The following UPF3B variants were observed in gnomAD, a reference collection of about 807,000 sequenced individuals.
UPF3B encodes UPF3B regulator of nonsense mediated mRNA decay.
A neutral mutation model predicts 40.3 loss-of-function variants in UPF3B; 7 were observed. The ratio of observed to expected loss-of-function variants is 0.17; its 90% CI spans 0.10 to 0.33. The LOEUF is 0.33. Among genes scored for constraint, UPF3B ranks in the 10% least tolerant of loss-of-function variants. The pLI, the probability that UPF3B is intolerant of heterozygous loss-of-function variation, is 1.00. For missense variants in UPF3B, 229 were observed against 358.9 expected (o/e 0.64, Z 2.93); for synonymous variants, 117 against 117.3 (o/e 1.00, Z 0.01).
chrX:119,837,113 T>G (rs1021357494), intron 10 of UPF3B, among the ~76,000 whole-genome samples: 1 of 107,596 alleles, frequency 9.3e-6, no homozygotes, highest in Non-Finnish European at 1.9e-5. Flanking sequence ...CCAGCCGATT[T>G]TTTGTATTTT....
At chrX:119,814,102 T>G (rs921088717) in intron 5 of UPF3B, among the ~76,000 whole-genome samples, 2 of 111,832 alleles carry the variant, frequency 1.8e-5, no homozygotes, top group Non-Finnish European at 3.8e-5. Context: ...CTCACTACAC[T>G]TAACTTCATA....
At chrX:119,850,062 G>T (rs1046729962) in intron 3 of UPF3B, among the ~76,000 whole-genome samples, 1 of 101,345 alleles carries the variant, frequency 9.9e-6, no homozygotes, top group Admixed American at 1.0e-4. Context: ...GGCTGAGGTG[G>T]GGGGGGGGAA....
intron 5 of UPF3B, among the ~76,000 whole-genome samples, chrX:119,808,450 G>A (rs1178826784): frequency 1.0e-5 from 1 of 96,872 alleles, no homozygotes; most frequent in Non-Finnish European, 2.1e-5. Flanking sequence ...GTGCTACCTC[G>A]ACCCTTCTGA....
rs1360388211 is a variant in UPF3B at position 119,852,758 on chromosome X, C to G, written c.156+15G>C. 8.3e-7 allele frequency: 1 copy of G among 1,211,155 alleles called. No homozygotes were observed. The highest frequency in any genetic ancestry group is 1.1e-6 in the Non-Finnish European group (1 of 895,446). ...CTCGTCCCGCCCTCTCCCGGGCCAG[C>G]GGCCGACCGGGCACCTTGCTCAGCG... On this transcript the variant is annotated intron_variant, in intron 1 of 10. Coordinates refer to ENST00000276201, the MANE Select transcript of UPF3B (RefSeq NM_080632.3).
chrX:119,807,027 TAAAAAAAA>T (rs1191950024), intron 6 of UPF3B, among the ~76,000 whole-genome samples: 6 of 21,418 alleles, frequency 2.8e-4, no homozygotes, highest in African/African-American at 9.7e-4. Context: ...AGACCCTGTC[TAAAAAAAA>T]AAAAAAAAAA....
chrX:119,819,938 G>C (rs2055898239), intron 4 of UPF3B, among the ~76,000 whole-genome samples: 1 of 104,065 alleles, frequency 9.6e-6, no homozygotes, highest in South Asian at 4.3e-4. Flanking sequence ...TCCGCCTCTT[G>C]GGTTCAAACG....
intron 5 of UPF3B, among the ~76,000 whole-genome samples, chrX:119,808,233 C>G (rs1468947434): frequency 9.0e-6 from 1 of 111,469 alleles, no homozygotes; most frequent in Non-Finnish European, 1.9e-5. Context: ...TCCTCACCCC[C>G]ACTGCCTACA....
chrX:119,812,145 T>C (rs1293357117), intron 5 of UPF3B, among the ~76,000 whole-genome samples: 2 of 110,464 alleles, frequency 1.8e-5, no homozygotes, highest in African/African-American at 6.6e-5. Flanking sequence ...TCCAGCTACT[T>C]GGGAGGCAGA....
In UPF3B at chrX:119,838,345, CAA is replaced by C. The variant is rs770689839; in HGVS notation, c.1007+20_1007+21del. The stretch of plus-strand genomic sequence containing the variant: ...ACTAGCATGTATAAATCAAACATAA[CAA>C]AGAGTCCTTGACTACTGACCTCTTT... On this transcript the variant is annotated intron_variant, in intron 9 of 10. Coordinates refer to ENST00000276201, the MANE Select transcript of UPF3B (RefSeq NM_080632.3). The C allele has an allele frequency of 9.9e-6, 12 of 1,209,171 alleles. No homozygotes were observed. In the South Asian group the frequency reaches 1.8e-4, roughly 18 times the overall value.
chrX:119,827,161 C>T (rs1469014326), intron 3 of UPF3B, among the ~76,000 whole-genome samples: 2 of 110,996 alleles, frequency 1.8e-5, no homozygotes, highest in African/African-American at 6.5e-5. Flanking sequence ...ATTTAGTACC[C>T]TCTGACTTCT....
chrX:119,831,178 G>A (rs191811214), downstream of UPF3B, among the ~76,000 whole-genome samples: 34 of 111,637 alleles, frequency 3.0e-4, no homozygotes, highest in East Asian at 2.8e-3. Context: ...CTCCTCTGCC[G>A]TGTACCCCAC....
intron 3 of UPF3B, 122 bp downstream of exon 3, chrX:119,851,369 CTATT>C: frequency 2.0e-6 from 1 of 512,617 alleles, no homozygotes; most frequent in East Asian, 3.7e-5. Flanking sequence ...AAAGTCACGT[CTATT>C]TATAAGACTG....
chrX:119,824,702 ACTTT>A (rs899525000), intron 3 of UPF3B, among the ~76,000 whole-genome samples: 2 of 107,657 alleles, frequency 1.9e-5, no homozygotes, highest in African/African-American at 3.4e-5. Flanking sequence ...TTCTAAACAT[ACTTT>A]CTTATATTTA....
At chrX:119,829,682 C>T (rs2056016996), downstream of UPF3B, among the ~76,000 whole-genome samples, 1 of 111,579 alleles carries the variant, frequency 9.0e-6, no homozygotes, top group Admixed American at 9.6e-5. Flanking sequence ...ATTTCCTTAC[C>T]TCTATGTAAT....
At chrX:119,810,357 T>A (rs1417466239) in intron 5 of UPF3B, among the ~76,000 whole-genome samples, 2 of 112,241 alleles carry the variant, frequency 1.8e-5, no homozygotes, top group Non-Finnish European at 3.8e-5. Flanking sequence ...CCCCAACCAA[T>A]AGATCATGAA....
At chrX:119,839,461 C>T (rs2056137383) in intron 8 of UPF3B, among the ~76,000 whole-genome samples, 1 of 112,524 alleles carries the variant, frequency 8.9e-6, no homozygotes. Context: ...GCCATATTTA[C>T]GCATGTTCAA....
At chrX:119,806,482 A>T (rs1286755267) in intron 6 of UPF3B, among the ~76,000 whole-genome samples, 1 of 110,992 alleles carries the variant, frequency 9.0e-6, no homozygotes, top group Admixed American at 9.7e-5. Context: ...TTAAAGTATA[A>T]TAAAAAATAA....
chrX:119,806,641 T>G (rs2055793468), intron 6 of UPF3B, among the ~76,000 whole-genome samples: 1 of 111,548 alleles, frequency 9.0e-6, no homozygotes, highest in Non-Finnish European at 1.9e-5. Context: ...AACAAAAGTT[T>G]GTTCTATCCT....
chrX:119,814,811 G>A (rs2055849189), intron 5 of UPF3B, among the ~76,000 whole-genome samples: 1 of 108,787 alleles, frequency 9.2e-6, no homozygotes, highest in African/African-American at 3.3e-5. Flanking sequence ...CTGCTTTGAG[G>A]CAAAACTTAC....
Sources: gnomAD v4.1 joint callset for allele counts (sites outside exome capture counted in the v4.1 genomes callset) on GRCh38, gnomAD v4.1.1 for gene constraint, MANE v1.5 for transcripts, NCBI Gene and HGNC (gene_info 2026-07-23, HGNC 2026-07-21) for gene names.